The following CFAP299 variants were observed in gnomAD, a reference collection of about 807,000 sequenced individuals.
CFAP299 encodes cilia and flagella associated protein 299.
In CFAP299, 21 loss-of-function variants were observed where a neutral mutation model predicts 27.0. The observed-to-expected ratio is 0.78, with a 90% CI of 0.55 to 1.12. The LOEUF (loss-of-function observed/expected upper bound fraction) is 1.12, where lower values mean the gene tolerates loss of function less well. CFAP299 is among the 50% of genes most tolerant of loss of function. The probability of loss-of-function intolerance (pLI) is 0.00; values close to 1 mark genes in which losing one functional copy is unlikely to be tolerated. For missense variants in CFAP299, 310 were observed against 276.6 expected, an observed-to-expected ratio of 1.12 and a Z score of -0.86; for synonymous variants, 104 against 98.1, an observed-to-expected ratio of 1.06 and a Z score of -0.36.
At chr4:80,693,642 G>A (rs1720896483) in intron 3 of CFAP299, among the ~76,000 whole-genome samples, 1 of 151,354 alleles carries the variant, frequency 6.6e-6, no homozygotes, top group African/African-American at 2.4e-5. Flanking sequence ...GTATACATAT[G>A]TAACTAACCT....
chr4:80,567,223 A>G lies in CFAP299; in HGVS notation c.243-15870A>G, dbSNP rs575714418. Among the ~76,000 whole-genome samples the G allele has an allele frequency of 3.3e-5, 5 of 152,168 alleles. No individual in the cohort carries two copies. The East Asian group carries it at 9.7e-4, about 29-fold the overall frequency. ...CTTTCCCAGAGATGCTGATAGCTTTACTGTACATTTGATAATTTAAAAACT... is the reference window on the plus strand; with the variant it reads ...CTTTCCCAGAGATGCTGATAGCTTTGCTGTACATTTGATAATTTAAAAACT... On this transcript the variant is annotated intron_variant, in intron 2 of 5. Coordinates refer to ENST00000358105, the MANE Select transcript of CFAP299 (RefSeq NM_152770.3).
intron 2 of CFAP299, chr4:80,386,196 G>A (rs1398432074): frequency 2.3e-6 from 2 of 865,752 alleles, no homozygotes; most frequent in African/African-American, 1.7e-5. Context: ...AGGCCTCGAT[G>A]TAGATGAGCA....
At chr4:80,826,849 A>C (rs1012504598) in intron 3 of CFAP299, among the ~76,000 whole-genome samples, 1 of 151,922 alleles carries the variant, frequency 6.6e-6, no homozygotes, top group Non-Finnish European at 1.5e-5. Context: ...GATATCATAC[A>C]AAATATTTTC....
intron 2 of CFAP299, among the ~76,000 whole-genome samples, chr4:80,499,521 G>C (rs1206449518): frequency 6.6e-6 from 1 of 151,766 alleles, no homozygotes; most frequent in Non-Finnish European, 1.5e-5. Flanking sequence ...CATTTGCCTT[G>C]CTTATCTTTT....
intron 2 of CFAP299, among the ~76,000 whole-genome samples, chr4:80,511,358 C>T (rs1186438983): frequency 6.6e-6 from 1 of 151,986 alleles, no homozygotes; most frequent in African/African-American, 2.4e-5. Flanking sequence ...TAGCATCTAA[C>T]AATTTATTTT....
At chr4:80,727,635 C>T (rs114157139) in intron 3 of CFAP299, among the ~76,000 whole-genome samples, 3,241 of 151,950 alleles carry the variant, frequency 0.021, 82 homozygotes, top group South Asian at 0.062. Context: ...AAGTAATGCA[C>T]ATTTAAAGCA....
intron 3 of CFAP299, among the ~76,000 whole-genome samples, chr4:80,794,788 C>T (rs184750198): frequency 1.6e-4 from 25 of 152,244 alleles, no homozygotes; most frequent in Non-Finnish European, 8.8e-5. Context: ...TATATTCCAG[C>T]GAGGACAATA....
At chr4:80,748,247 G>T (rs1316538945) in intron 3 of CFAP299, among the ~76,000 whole-genome samples, 1 of 152,076 alleles carries the variant, frequency 6.6e-6, no homozygotes, top group Non-Finnish European at 1.5e-5. Context: ...TCGACAGATT[G>T]ATAAATAGCC....
At chr4:80,959,632 T>A (rs1254916255) in intron 5 of CFAP299, among the ~76,000 whole-genome samples, 18 of 152,084 alleles carry the variant, frequency 1.2e-4, no homozygotes, top group Admixed American at 1.1e-3. Flanking sequence ...TTGAAAATTC[T>A]TCCCAAGGAA....
chr4:80,907,711 C>T (rs1334488362), intron 4 of CFAP299, among the ~76,000 whole-genome samples: 1 of 152,102 alleles, frequency 6.6e-6, no homozygotes, highest in Non-Finnish European at 1.5e-5. Context: ...GGGTAACTGC[C>T]CCATGATGCA....
intron 3 of CFAP299, among the ~76,000 whole-genome samples, chr4:80,680,318 C>T (rs1365393035): frequency 2.0e-5 from 3 of 152,054 alleles, no homozygotes; most frequent in African/African-American, 7.2e-5. Flanking sequence ...TAAATAATTC[C>T]TCAGTTTCTC....
intron 2 of CFAP299, among the ~76,000 whole-genome samples, chr4:80,553,184 A>G (rs532562235): frequency 6.6e-6 from 1 of 152,102 alleles, no homozygotes; most frequent in South Asian, 2.1e-4. Flanking sequence ...CCCAGTGTCT[A>G]TTGTTCCTTT....
intron 3 of CFAP299, among the ~76,000 whole-genome samples, chr4:80,819,827 C>T (rs1729609223): frequency 6.6e-6 from 1 of 152,046 alleles, no homozygotes; most frequent in Admixed American, 6.6e-5. Context: ...TAAGTTTAGA[C>T]TCTAAAAAGG....
In CFAP299 at chr4:80,557,184, GA is replaced by G. The variant is rs1167779487; in HGVS notation, c.243-25905del. Among the ~76,000 whole-genome samples the G allele has an allele frequency of 3.3e-5, 5 of 151,986 alleles. No homozygotes were observed. In the East Asian group the frequency reaches 9.6e-4, roughly 29 times the overall value. ...TTTCTATATTAATGTTTAATTTACA[GA>G]AAATATCTGAACTAACCTTGTAACT... is the stretch of plus-strand genomic sequence containing the variant. On this transcript the variant is annotated intron_variant, in intron 2 of 5. Transcript: ENST00000358105.
In CFAP299 at chr4:80,371,699, A is replaced by G. The variant is rs183225510; in HGVS notation, c.242+8815A>G. ...CAGCCAAGTTCTTTGCTAGGACATAACAAAGTGATCTTTGCTCTAGTTTCT... is the reference window on the plus strand; with the variant it reads ...CAGCCAAGTTCTTTGCTAGGACATAGCAAAGTGATCTTTGCTCTAGTTTCT... On this transcript the variant is annotated intron_variant, in intron 2 of 5. Transcript: ENST00000358105. Among the ~76,000 whole-genome samples, 122 of 152,324 alleles carry G rather than the reference A, an allele frequency of 8.0e-4. 2 individuals are homozygous for G. The highest frequency in any genetic ancestry group is 3.7e-4 in the Non-Finnish European group (25 of 68,024).
In CFAP299 at chr4:80,828,960, A is replaced by G. The variant is rs574199023; in HGVS notation, c.334-41033A>G. ...AAAATTGATCAAAGACCTAAATGTA[A>G]GAGCTAAAATTATAAAATTCCTGGA... On this transcript the variant is annotated intron_variant, in intron 3 of 5. Coordinates refer to ENST00000358105, the MANE Select transcript of CFAP299 (RefSeq NM_152770.3). Among the ~76,000 whole-genome samples the G allele has an allele frequency of 3.3e-5, 5 of 152,210 alleles. No homozygotes were observed. The East Asian group carries it at 9.7e-4, about 29-fold the overall frequency.
intron 3 of CFAP299, among the ~76,000 whole-genome samples, chr4:80,669,780 G>C (rs76144214): frequency 0.069 from 10,498 of 151,834 alleles, 813 homozygotes; most frequent in African/African-American, 0.18. Context: ...GATCTTAGAG[G>C]AAAGGCTTTC....
chr4:80,525,231 C>G (rs1340449511), intron 2 of CFAP299, among the ~76,000 whole-genome samples: 1 of 152,062 alleles, frequency 6.6e-6, no homozygotes, highest in Non-Finnish European at 1.5e-5. Context: ...AAGACAAAGG[C>G]CTTACCTGCA....
chr4:80,567,549 A>G (rs1330829548), intron 2 of CFAP299, among the ~76,000 whole-genome samples: 1 of 151,970 alleles, frequency 6.6e-6, no homozygotes, highest in African/African-American at 2.4e-5. Flanking sequence ...GGAGGAGACT[A>G]AAAAAGCACA....
Sources: gnomAD v4.1 joint callset for allele counts (sites outside exome capture counted in the v4.1 genomes callset) on GRCh38, gnomAD v4.1.1 for gene constraint, MANE v1.5 for transcripts, NCBI Gene and HGNC (gene_info 2026-07-23, HGNC 2026-07-21) for gene names.